Variants in IL5RA observed in about 807,000 individuals in gnomAD.
IL5RA encodes the protein interleukin 5 receptor subunit alpha.
In IL5RA, 49 loss-of-function variants were observed where a neutral mutation model predicts 50.0. The ratio of observed to expected loss-of-function variants is 0.98; its 90% CI spans 0.78 to 1.24. The LOEUF (loss-of-function observed/expected upper bound fraction) is 1.24, where lower values mean the gene tolerates loss of function less well. Ranked by LOEUF, IL5RA falls within the 50% of genes most tolerant of loss-of-function variation. The pLI, the probability that IL5RA is intolerant of heterozygous loss-of-function variation, is 0.00. For missense variants in IL5RA, 600 were observed against 500.4 expected, an observed-to-expected ratio of 1.20 and a Z score of -1.90; for synonymous variants, 202 against 174.0, an observed-to-expected ratio of 1.16 and a Z score of -1.26.
At position 3,068,587 on chromosome 3, in the gene IL5RA, C is replaced by CAAAAAAAAAAAAAAAAAAAA. The variant is rs760670295; in HGVS notation, c.*1618_*1637dup. 2 of 35,618 alleles carry CAAAAAAAAAAAAAAAAAAAA rather than the reference C, an allele frequency of 5.6e-5. No individual in the cohort carries two copies. The highest frequency in any genetic ancestry group is 1.8e-4 in the African/African-American group (2 of 11,344). 2.2% of individuals were successfully genotyped at this position (35,618 alleles called of 1,614,324 possible). ...AAGACTGTCTCCACCACCCACCCCA[C>CAAAAAAAAAAAAAAAAAAAA]AAAAAAAAAAAAAAAAAAAAACAAA... On this transcript the variant is annotated 3_prime_UTR_variant, in exon 12 of 12. Transcript: ENST00000446632.
intron 4 of IL5RA, among the ~76,000 whole-genome samples, chr3:3,102,374 A>G (rs1690641793): frequency 6.6e-6 from 1 of 152,216 alleles, no homozygotes; most frequent in Non-Finnish European, 1.5e-5. Context: ...TTCTGTTGGT[A>G]ATTTTATGGG....
At chr3:3,087,031 C>G (rs1190852922) in intron 9 of IL5RA, among the ~76,000 whole-genome samples, 1 of 151,950 alleles carries the variant, frequency 6.6e-6, no homozygotes, top group African/African-American at 2.4e-5. Flanking sequence ...CAGAGGCATA[C>G]AGAGTGGTAT....
At chr3:3,103,939 A>G (rs767669043) in intron 3 of IL5RA, among the ~76,000 whole-genome samples, 9 of 152,198 alleles carry the variant, frequency 5.9e-5, no homozygotes, top group Non-Finnish European at 1.2e-4. Flanking sequence ...CCACACCTCT[A>G]CATCCATGTT....
intron 10 of IL5RA, among the ~76,000 whole-genome samples, chr3:3,075,244 C>T (rs993490822): frequency 8.5e-4 from 121 of 143,194 alleles, no homozygotes; most frequent in African/African-American, 3.0e-3. Flanking sequence ...GCTCTGTCAC[C>T]CAGGCTGGAG....
At position 3,089,069 on chromosome 3, in the gene IL5RA, GT is replaced by G. The variant is rs1702986659; in HGVS notation, c.994+3154del. Reference sequence around the variant, plus strand: ...GTGTGTGCTGGGTCAGTTTAGTTAGGTGGGGGCATCAACCTAGGGAGGAGGG... The same window carrying G: ...GTGTGTGCTGGGTCAGTTTAGTTAGGGGGGGCATCAACCTAGGGAGGAGGG... On this transcript the variant is annotated intron_variant, in intron 9 of 11. Transcript: ENST00000446632. 2.0e-5 allele frequency among the ~76,000 whole-genome samples: 3 copies of G among 152,088 alleles called. No individual in the cohort carries two copies. The South Asian group carries it at 6.2e-4, about 32-fold the overall frequency.
intron 10 of IL5RA, 110 bp downstream of exon 10, chr3:3,076,421 A>C: frequency 1.4e-6 from 1 of 706,942 alleles, no homozygotes; most frequent in South Asian, 1.8e-5. Flanking sequence ...CAAAAATGCC[A>C]CAAATTTTAC....
chr3:3,085,781 G>GA (rs1702832968), intron 9 of IL5RA, among the ~76,000 whole-genome samples: 4 of 152,120 alleles, frequency 2.6e-5, no homozygotes, highest in Admixed American at 2.0e-4. Flanking sequence ...AGTCCTAACA[G>GA]ATTCTAGGAT....
At chr3:3,073,569 C>T (rs974392708) in intron 11 of IL5RA, among the ~76,000 whole-genome samples, 1 of 152,170 alleles carries the variant, frequency 6.6e-6, no homozygotes. Context: ...GAGCCCTGAT[C>T]TAAATAACCG....
intron 3 of IL5RA, among the ~76,000 whole-genome samples, chr3:3,103,849 G>C (rs1304425948): frequency 1.3e-5 from 2 of 152,080 alleles, no homozygotes; most frequent in Non-Finnish European, 2.9e-5. Context: ...AATTAGGACG[G>C]TATTGTACAC....
At chr3:3,072,592 AGAG>A (rs1173660784) in intron 11 of IL5RA, among the ~76,000 whole-genome samples, 1 of 152,216 alleles carries the variant, frequency 6.6e-6, no homozygotes, top group Non-Finnish European at 1.5e-5. Flanking sequence ...TGTTCCATTA[AGAG>A]GCCAGGACAA....
chr3:3,090,164 AAC>A, intron 9 of IL5RA: 1 of 1,586,716 alleles, frequency 6.3e-7, no homozygotes, highest in African/African-American at 1.4e-5. Context: ...AAAATTAAAA[AAC>A]ACATGTAATC....
intron 1 of IL5RA, 25 bp from the exon 2 acceptor site, chr3:3,108,716 T>C (rs2125989502): frequency 6.6e-6 from 1 of 152,276 alleles, no homozygotes; most frequent in African/African-American, 2.4e-5. Context: ...AGCAAATTAG[T>C]GCACAGCCCT....
At chr3:3,087,951 G>C (rs1192169769) in intron 9 of IL5RA, among the ~76,000 whole-genome samples, 1 of 152,144 alleles carries the variant, frequency 6.6e-6, no homozygotes, top group Non-Finnish European at 1.5e-5. Context: ...CCTAAACTGA[G>C]CAGAGGAGTA....
At chr3:3,103,436 AC>A (rs1703751091) in intron 3 of IL5RA, among the ~76,000 whole-genome samples, 1 of 152,222 alleles carries the variant, frequency 6.6e-6, no homozygotes, top group African/African-American at 2.4e-5. Context: ...TGTGCATCAA[AC>A]ATAATAAGAG....
At chr3:3,096,699 G>A (rs963483208) in intron 7 of IL5RA, among the ~76,000 whole-genome samples, 4 of 152,004 alleles carry the variant, frequency 2.6e-5, no homozygotes, top group Non-Finnish European at 5.9e-5. Flanking sequence ...CTATTTTCAT[G>A]AAAGTGACAT....
chr3:3,071,585 GTGTGTGTGTGTAT>G (rs1411562987), intron 11 of IL5RA, among the ~76,000 whole-genome samples: 1 of 62,912 alleles, frequency 1.6e-5, no homozygotes, highest in Non-Finnish European at 3.5e-5. Context: ...GTGTGTGTGT[GTGTGTGTGTGTAT>G]TTTTTTTTTT....
chr3:3,083,334 G>A (rs1702732795), intron 9 of IL5RA, among the ~76,000 whole-genome samples: 1 of 152,150 alleles, frequency 6.6e-6, no homozygotes, highest in African/African-American at 2.4e-5. Context: ...TGAAGGACCC[G>A]GATCACACAC....
chr3:3,104,805 A>G, intron 3 of IL5RA, 98 bp downstream of exon 3: 2 of 681,360 alleles, frequency 2.9e-6, no homozygotes, highest in East Asian at 2.9e-5. Context: ...AAATCCATAT[A>G]TAATGTTCTA....
chr3:3,094,133 T>C (rs17880971), intron 8 of IL5RA, among the ~76,000 whole-genome samples: 6,304 of 152,308 alleles, frequency 0.041, 209 homozygotes, highest in African/African-American at 0.096. Context: ...ATACATATAA[T>C]GAAATTTACC....
Sources: gnomAD v4.1 joint callset for allele counts (sites outside exome capture counted in the v4.1 genomes callset) on GRCh38, gnomAD v4.1.1 for gene constraint, MANE v1.5 for transcripts, NCBI Gene and HGNC (gene_info 2026-07-23, HGNC 2026-07-21) for gene names.